The following IL21R variants were observed in gnomAD, a reference collection of about 807,000 sequenced individuals.
The protein encoded by IL21R is interleukin 21 receptor.
Under a neutral mutation model 41.3 loss-of-function variants are expected in IL21R, and 14 were observed. That is an observed-to-expected ratio of 0.34 (90% CI 0.22 to 0.53). The LOEUF (loss-of-function observed/expected upper bound fraction) is 0.53, where lower values mean the gene tolerates loss of function less well. IL21R is among the 20% of genes least tolerant of loss of function. The pLI is 0.94. For missense variants in IL21R, 588 were observed against 681.6 expected, an observed-to-expected ratio of 0.86 and a Z score of 1.53; for synonymous variants, 286 against 287.6, an observed-to-expected ratio of 0.99 and a Z score of 0.05.
In IL21R at chr16:27,425,788, T is replaced by G. The variant is rs558184018; in HGVS notation, c.-16-4268T>G. ...CCAGGCTGGTCTCGAACTCCTGACC[T>G]CAAATGATCCTCCCACCTCGGCCTC... On this transcript the variant is annotated intron_variant, in intron 1 of 8. Transcript: ENST00000337929. Among the ~76,000 whole-genome samples, 231 of 152,228 alleles carry G rather than the reference T, an allele frequency of 1.5e-3. 3 individuals carry two copies. The highest frequency in any genetic ancestry group is 2.2e-4 in the Non-Finnish European group (15 of 68,006).
rs545412589 is a variant in IL21R at position 27,438,848 on chromosome 16, C to T, written c.352+1161C>T. 2.0e-5 allele frequency among the ~76,000 whole-genome samples: 3 copies of T among 152,256 alleles called. No homozygotes were observed. In the East Asian group the frequency reaches 5.8e-4, roughly 29 times the overall value. ...TCATGCCACCGCACTCCAGCCTGGGCGTCAGAGTGAGACTCCGTCTCAAAC... is the reference window on the plus strand; with the variant it reads ...TCATGCCACCGCACTCCAGCCTGGGTGTCAGAGTGAGACTCCGTCTCAAAC... On this transcript the variant is annotated intron_variant, in intron 4 of 8. Transcript: ENST00000337929.
intron 1 of IL21R, among the ~76,000 whole-genome samples, chr16:27,425,894 CA>C (rs1200396036): frequency 6.6e-6 from 1 of 152,180 alleles, no homozygotes; most frequent in Non-Finnish European, 1.5e-5. Flanking sequence ...ACCACATCTC[CA>C]GTTTCTAGGA....
chr16:27,422,640 G>T (rs140327579), intron 1 of IL21R, among the ~76,000 whole-genome samples: 5 of 151,816 alleles, frequency 3.3e-5, no homozygotes, highest in East Asian at 1.9e-4. Flanking sequence ...TTTTAAATAG[G>T]TTCCAAATTT....
intron 3 of IL21R, 129 bp from the exon 4 acceptor site, chr16:27,437,359 C>CCCCAGCCCTGCCTCAAATCCCT: frequency 1.4e-6 from 1 of 731,138 alleles, no homozygotes; most frequent in Non-Finnish European, 2.4e-6. Flanking sequence ...GGTGACCACC[C>CCCCAGCCCTGCCTCAAATCCCT]CCCAGCCCTG....
intron 2 of IL21R, among the ~76,000 whole-genome samples, chr16:27,432,508 G>A (rs1329452005): frequency 1.3e-5 from 2 of 152,152 alleles, no homozygotes; most frequent in Admixed American, 6.5e-5. Flanking sequence ...AGGGGCTGCC[G>A]TTGCCTCCCC....
At chr16:27,435,025 G>A (rs1005664291) in intron 3 of IL21R, among the ~76,000 whole-genome samples, 2 of 152,172 alleles carry the variant, frequency 1.3e-5, no homozygotes, top group Admixed American at 1.3e-4. Context: ...CACTTTGGGA[G>A]GCCAAGGAAG....
intron 1 of IL21R, among the ~76,000 whole-genome samples, chr16:27,405,191 C>T (rs1425112468): frequency 6.6e-6 from 1 of 152,128 alleles, no homozygotes; most frequent in East Asian, 1.9e-4. Flanking sequence ...TGCCACCACA[C>T]CTGGCTAATT....
intron 1 of IL21R, among the ~76,000 whole-genome samples, chr16:27,417,163 CTTTT>C (rs577149386): frequency 1.6e-5 from 2 of 126,618 alleles, no homozygotes; most frequent in Non-Finnish European, 1.6e-5. Flanking sequence ...TTTTTCTTTT[CTTTT>C]TTTTTTTTTT....
At position 27,449,145 on chromosome 16, in the gene IL21R, C is replaced by T. The variant is rs147514663; in HGVS notation, c.1479C>T (p.Gly493=). 12 of 1,613,192 alleles carry T rather than the reference C, an allele frequency of 7.4e-6. No homozygotes were observed. Among genetic ancestry groups the T allele is most frequent in the Admixed American group, 1.7e-5 (1 of 59,996 alleles). ...AGLDMDTFDS[G]FVGSDCSSPV... is the part of the protein sequence containing the mutation. Reference sequence around the variant, plus strand: ...TGGATATGGACACGTTTGACAGTGGCTTTGTGGGCTCTGACTGCAGCAGCC... The same window carrying T: ...TGGATATGGACACGTTTGACAGTGGTTTTGTGGGCTCTGACTGCAGCAGCC... The change falls in exon 9 of 9, where the codon GGC becomes GGT. Residue 493 remains glycine, a synonymous_variant. Transcript: ENST00000337929.
rs2087542966 is a variant in IL21R at position 27,449,157 on chromosome 16, T to G, written c.1491T>G (p.Ser497=). The change falls in exon 9 of 9, where the codon TCT becomes TCG. Residue 497 remains serine (S), a synonymous_variant. Coordinates refer to ENST00000337929, the MANE Select transcript of IL21R (RefSeq NM_181078.3). The stretch of plus-strand genomic sequence containing the variant: ...CGTTTGACAGTGGCTTTGTGGGCTC[T>G]GACTGCAGCAGCCCTGTGGAGTGTG... ...MDTFDSGFVG[S]DCSSPVECDF... is the part of the protein sequence containing the mutation. The G allele has an allele frequency of 6.2e-7, 1 of 1,613,066 alleles. No homozygotes were observed.
chr16:27,428,215 C>A (rs1483162455), intron 1 of IL21R, among the ~76,000 whole-genome samples: 1 of 152,198 alleles, frequency 6.6e-6, no homozygotes, highest in Non-Finnish European at 1.5e-5. Flanking sequence ...TGGAAGCAGG[C>A]CTTGCTGTTT....
At chr16:27,448,365 G>A in intron 8 of IL21R, 169 bp from the exon 9 acceptor site, 1 of 679,104 alleles carries the variant, frequency 1.5e-6, no homozygotes, top group Non-Finnish European at 2.4e-6. Context: ...TGAGGCAGGA[G>A]AATCACTTGA....
chr16:27,430,206 A>C (rs1274079103), intron 2 of IL21R, 86 bp downstream of exon 2: 3 of 1,172,550 alleles, frequency 2.6e-6, no homozygotes, highest in Non-Finnish European at 3.7e-6. Flanking sequence ...TGGGCTCAAA[A>C]ACACGGCTAG....
In IL21R at chr16:27,438,696, CA is replaced by C. The variant is rs370827413; in HGVS notation, c.352+1010del. On this transcript the variant is annotated intron_variant, in intron 4 of 8. Transcript: ENST00000337929. Reference sequence around the variant, plus strand: ...CAGCCTGGGCAACATGGTGAAACCCCATCTCTACTAAAAATACAAAAAAATT... The same window carrying C: ...CAGCCTGGGCAACATGGTGAAACCCCTCTCTACTAAAAATACAAAAAAATT... Among the ~76,000 whole-genome samples the C allele has an allele frequency of 1.8e-3, 275 of 152,128 alleles. 1 individual carries two copies. Among genetic ancestry groups the C allele is most frequent in the African/African-American group, 5.5e-3 (227 of 41,466 alleles).
chr16:27,437,710 C>G, intron 4 of IL21R, 23 bp downstream of exon 4: 1 of 1,595,556 alleles, frequency 6.3e-7, no homozygotes, highest in Non-Finnish European at 8.6e-7. Context: ...GGACCCCAGG[C>G]TTAGGGTGGC....
intron 2 of IL21R, among the ~76,000 whole-genome samples, chr16:27,432,864 G>A (rs1403916982): frequency 6.6e-6 from 1 of 152,170 alleles, no homozygotes; most frequent in Admixed American, 6.5e-5. Context: ...AGGGAGTGCT[G>A]TGATCCATTA....
chr16:27,409,498 A>G (rs1288749597), intron 1 of IL21R, among the ~76,000 whole-genome samples: 2 of 152,018 alleles, frequency 1.3e-5, no homozygotes, highest in African/African-American at 4.8e-5. Flanking sequence ...TTACTGTTTT[A>G]CCTTTCACAT....
chr16:27,431,893 C>T (rs1761339562), intron 2 of IL21R, among the ~76,000 whole-genome samples: 1 of 152,224 alleles, frequency 6.6e-6, no homozygotes. Context: ...ATCCACCCGC[C>T]TCGGCCTCCC....
At chr16:27,410,649 G>C (rs2086809939) in intron 1 of IL21R, among the ~76,000 whole-genome samples, 1 of 152,180 alleles carries the variant, frequency 6.6e-6, no homozygotes, top group South Asian at 2.1e-4. Context: ...GTAGTGCAAA[G>C]TATAGTGTCC....
Sources: allele counts gnomAD v4.1 joint callset (sites outside exome capture counted in the v4.1 genomes callset), GRCh38; gene constraint gnomAD v4.1.1; transcripts MANE v1.5; gene names NCBI Gene and HGNC (gene_info 2026-07-23, HGNC 2026-07-21).